The following RANBP2 variants were observed in gnomAD, a reference collection of about 807,000 sequenced individuals.
RANBP2 encodes the protein RAN binding protein 2.
A neutral mutation model predicts 303.6 loss-of-function variants in RANBP2; 57 were observed. The observed-to-expected ratio is 0.19, with a 90% confidence interval of 0.15 to 0.23. The LOEUF (loss-of-function observed/expected upper bound fraction) is 0.23, where lower values mean the gene tolerates loss of function less well. Ranked by LOEUF, RANBP2 falls within the 10% of genes least tolerant of loss-of-function variation. The pLI, the probability that RANBP2 is intolerant of heterozygous loss-of-function variation, is 1.00. For synonymous variants in RANBP2, 1,167 were observed against 1,301.5 expected (o/e 0.90, Z 2.23); for missense variants, 3,138 against 3,780.8 (o/e 0.83, Z 4.46).
the RANBP2 span, among the ~76,000 whole-genome samples, chr2:108,969,086 G>A: frequency 1.3e-5 from 2 of 152,228 alleles, no homozygotes; most frequent in East Asian, 3.9e-4. Context: ...GTCAGTTTAC[G>A]TTGTGTGACA....
chr2:109,347,559 AT>A, the RANBP2 span: 2 of 1,384,940 alleles, frequency 1.4e-6, no homozygotes, highest in African/African-American at 2.9e-5. Flanking sequence ...GGCACTCTGT[AT>A]GCACCCCCAG....
At chr2:109,377,864 C>T in the RANBP2 span, among the ~76,000 whole-genome samples, 1 of 152,232 alleles carries the variant, frequency 6.6e-6, no homozygotes, top group African/African-American at 2.4e-5. Context: ...TTTTGAACCT[C>T]TGCCTCTTAA....
the RANBP2 span, among the ~76,000 whole-genome samples, chr2:109,595,648 T>C: frequency 6.6e-6 from 1 of 151,912 alleles, no homozygotes; most frequent in Non-Finnish European, 1.5e-5. Flanking sequence ...AAATTTAAGG[T>C]AGAAAAAAAA....
At chr2:109,361,236 G>A in the RANBP2 span, among the ~76,000 whole-genome samples, 1 of 152,066 alleles carries the variant, frequency 6.6e-6, no homozygotes, top group Non-Finnish European at 1.5e-5. Context: ...CTAATATTTT[G>A]TTGAGGATAT....
the RANBP2 span, among the ~76,000 whole-genome samples, chr2:108,951,431 G>A: frequency 6.6e-6 from 1 of 152,216 alleles, no homozygotes; most frequent in African/African-American, 2.4e-5. Flanking sequence ...GATGTCTTAT[G>A]TGATTATTGT....
chr2:109,431,411 C>G, the RANBP2 span, among the ~76,000 whole-genome samples: 1 of 152,182 alleles, frequency 6.6e-6, no homozygotes, highest in African/African-American at 2.4e-5. Context: ...CAACCTTCCC[C>G]AAATCCCAAA....
chr2:109,635,027 C>A, the RANBP2 span, among the ~76,000 whole-genome samples: 4 of 151,858 alleles, frequency 2.6e-5, no homozygotes, highest in African/African-American at 7.3e-5. Context: ...ACTAATGATG[C>A]TCTAACATTT....
the RANBP2 span, among the ~76,000 whole-genome samples, chr2:108,819,710 G>A: frequency 6.6e-6 from 1 of 152,158 alleles, no homozygotes; most frequent in Non-Finnish European, 1.5e-5. Flanking sequence ...TATGAAGCCA[G>A]TTGTAAAGAC....
chr2:109,618,320 T>C, the RANBP2 span: 1 of 166,888 alleles, frequency 6.0e-6, no homozygotes, highest in Non-Finnish European at 1.5e-5. Context: ...AAAGAGCAGA[T>C]GCTTCAGAAC....
the RANBP2 span, among the ~76,000 whole-genome samples, chr2:108,967,915 A>C: frequency 6.6e-6 from 1 of 152,198 alleles, no homozygotes; most frequent in Non-Finnish European, 1.5e-5. Context: ...TGAGTCTAAG[A>C]CCTGTCAAAT....
At chr2:109,435,787 C>G in the RANBP2 span, among the ~76,000 whole-genome samples, 1 of 152,164 alleles carries the variant, frequency 6.6e-6, no homozygotes, top group African/African-American at 2.4e-5. Context: ...AAATGATTTC[C>G]TCGGGGAAAA....
the RANBP2 span, among the ~76,000 whole-genome samples, chr2:109,025,847 CAT>C: frequency 0.041 from 6,201 of 151,556 alleles, 404 homozygotes; most frequent in African/African-American, 0.14. Context: ...TAGAGCTTCA[CAT>C]AGAGATTCTG....
the RANBP2 span, among the ~76,000 whole-genome samples, chr2:109,624,305 A>G: frequency 0.047 from 7,103 of 152,278 alleles, 626 homozygotes; most frequent in East Asian, 0.24. Context: ...AAGCTTTTTG[A>G]GCAGGAAGGT....
At chr2:109,585,586 TCTAAACAA>T in the RANBP2 span, 1 of 759,748 alleles carries the variant, frequency 1.3e-6, no homozygotes, top group Non-Finnish European at 2.2e-6. Context: ...ACTAACAGAA[TCTAAACAA>T]CTAAAGAGAA....
chr2:109,322,344 C>T, the RANBP2 span, among the ~76,000 whole-genome samples: 1 of 152,210 alleles, frequency 6.6e-6, no homozygotes, highest in South Asian at 2.1e-4. Flanking sequence ...AGAGGCAGAA[C>T]ATTTCAACAT....
the RANBP2 span, chr2:108,884,984 T>G: frequency 6.6e-6 from 1 of 152,220 alleles, no homozygotes; most frequent in Non-Finnish European, 1.5e-5. Flanking sequence ...TACATCAAAA[T>G]TTCTTCCCAA....
chr2:108,812,035 TA>T, the RANBP2 span, among the ~76,000 whole-genome samples: 2 of 151,908 alleles, frequency 1.3e-5, no homozygotes, highest in Non-Finnish European at 2.9e-5. Flanking sequence ...AGTAATATAA[TA>T]AAAAAATAAT....
chr2:108,974,116 TC>T, the RANBP2 span, among the ~76,000 whole-genome samples: 1 of 151,230 alleles, frequency 6.6e-6, no homozygotes, highest in Non-Finnish European at 1.5e-5. Context: ...GATCACGAGG[TC>T]AGGAGATCGA....
At chr2:109,425,120 A>G in the RANBP2 span, among the ~76,000 whole-genome samples, 1 of 152,246 alleles carries the variant, frequency 6.6e-6, no homozygotes, top group Admixed American at 6.5e-5. Flanking sequence ...AACCAACTGC[A>G]ACATTCCCTT....
Sources: gnomAD v4.1 joint callset for allele counts (sites outside exome capture counted in the v4.1 genomes callset) on GRCh38, gnomAD v4.1.1 for gene constraint, MANE v1.5 for transcripts, NCBI Gene and HGNC (gene_info 2026-07-23, HGNC 2026-07-21) for gene names.